The following KCNK1 variants were observed in gnomAD, a reference collection of about 807,000 sequenced individuals.
The protein encoded by KCNK1 is potassium two pore domain channel subfamily K member 1.
A neutral mutation model predicts 22.2 loss-of-function variants in KCNK1; 10 were observed. That is an observed-to-expected ratio of 0.45 (90% CI 0.28 to 0.76). The LOEUF (loss-of-function observed/expected upper bound fraction) is 0.76, where lower values mean the gene tolerates loss of function less well. Among genes scored for constraint, KCNK1 ranks in the 30% least tolerant of loss-of-function variants. The pLI is 0.14. For missense variants in KCNK1, 378 were observed against 421.0 expected (o/e 0.90, Z 0.89); for synonymous variants, 200 against 186.4 (o/e 1.07, Z -0.60).
intron 1 of KCNK1, among the ~76,000 whole-genome samples, chr1:233,645,435 A>G (rs1339346680): frequency 6.6e-6 from 1 of 152,182 alleles, no homozygotes; most frequent in Non-Finnish European, 1.5e-5. Context: ...TTCTTATAAA[A>G]GACAGAAAAG....
At position 233,614,436 on chromosome 1, in the gene KCNK1, G is replaced by T. The variant is rs1416046214; in HGVS notation, c.265G>T (p.Gly89Cys). 8 of 1,613,302 alleles carry T rather than the reference G, an allele frequency of 5.0e-6. No individual in the cohort carries two copies. Among genetic ancestry groups the T allele is most frequent in the Non-Finnish European group, 6.8e-6 (8 of 1,179,758 alleles). Residue 89 changes from glycine to cysteine, a missense_variant, in exon 1 of 3, where the codon GGC becomes TGC. Transcript: ENST00000366621. ...LGRVLEASNY[G>C]VSVLSNASGN... is the part of the protein sequence containing the mutation. ...CCGGGTGCTGGAGGCCAGCAACTAC[G>T]GCGTGTCGGTGCTCAGCAACGCCTC...
At chr1:233,631,777 A>G (rs538038745) in intron 1 of KCNK1, among the ~76,000 whole-genome samples, 8 of 152,132 alleles carry the variant, frequency 5.3e-5, no homozygotes, top group African/African-American at 1.4e-4. Flanking sequence ...CCTTGTTCCT[A>G]TGCTGGGTCT....
chr1:233,658,928 C>G (rs762134052), intron 1 of KCNK1, among the ~76,000 whole-genome samples: 6 of 152,120 alleles, frequency 3.9e-5, no homozygotes. Context: ...GATTACTGTT[C>G]ACTACTGTAG....
intron 1 of KCNK1, among the ~76,000 whole-genome samples, chr1:233,642,749 A>G (rs10910233): frequency 0.1 from 15,787 of 152,034 alleles, 1,657 homozygotes; most frequent in African/African-American, 0.25. Context: ...AAATCATTCC[A>G]AAGTCACTGG....
intron 2 of KCNK1, among the ~76,000 whole-genome samples, chr1:233,669,093 G>A (rs1658551422): frequency 6.6e-6 from 1 of 152,164 alleles, no homozygotes; most frequent in South Asian, 2.1e-4. Flanking sequence ...CTCCTGGGGT[G>A]GTGATGGCCA....
intron 1 of KCNK1, among the ~76,000 whole-genome samples, chr1:233,662,393 A>T (rs1658413223): frequency 6.6e-6 from 1 of 152,114 alleles, no homozygotes; most frequent in Non-Finnish European, 1.5e-5. Context: ...ACTGTTACAG[A>T]CTCAGGGTCA....
intron 1 of KCNK1, among the ~76,000 whole-genome samples, chr1:233,641,075 C>G (rs1199111925): frequency 6.6e-6 from 1 of 152,176 alleles, no homozygotes; most frequent in Admixed American, 6.5e-5. Context: ...CTCTTAAAAT[C>G]TAGTGAGTTT....
chr1:233,648,812 C>T (rs1367089567), intron 1 of KCNK1, among the ~76,000 whole-genome samples: 1 of 152,196 alleles, frequency 6.6e-6, no homozygotes, highest in Non-Finnish European at 1.5e-5. Context: ...GGTGATCCAC[C>T]TGCCTTGGCC....
chr1:233,638,788 T>C (rs951447729), intron 1 of KCNK1, among the ~76,000 whole-genome samples: 8 of 152,082 alleles, frequency 5.3e-5, no homozygotes, highest in African/African-American at 1.9e-4. Context: ...CAGGGAAACG[T>C]TTTATGCCAG....
intron 1 of KCNK1, among the ~76,000 whole-genome samples, chr1:233,651,366 A>G (rs1225365321): frequency 6.6e-6 from 1 of 152,216 alleles, no homozygotes; most frequent in Non-Finnish European, 1.5e-5. Flanking sequence ...TGGCTGCAGG[A>G]TAATTATGTC....
At chr1:233,639,310 A>G (rs531321508) in intron 1 of KCNK1, among the ~76,000 whole-genome samples, 3 of 152,236 alleles carry the variant, frequency 2.0e-5, no homozygotes, top group Non-Finnish European at 4.4e-5. Flanking sequence ...TTCATAAGAC[A>G]AGAACATGGA....
intron 1 of KCNK1, among the ~76,000 whole-genome samples, chr1:233,632,905 T>G (rs1019423337): frequency 6.6e-6 from 1 of 152,134 alleles, no homozygotes. Context: ...AGTCTTTTCA[T>G]GTAAAGACAT....
At chr1:233,633,372 T>A (rs186323525) in intron 1 of KCNK1, among the ~76,000 whole-genome samples, 14 of 152,250 alleles carry the variant, frequency 9.2e-5, no homozygotes, top group Admixed American at 7.2e-4. Flanking sequence ...TAGGTTATCA[T>A]GTTAAAATAA....
chr1:233,617,932 AG>A (rs796573804), intron 1 of KCNK1, among the ~76,000 whole-genome samples: 4 of 152,216 alleles, frequency 2.6e-5, no homozygotes, highest in African/African-American at 9.6e-5. Context: ...TCTGTCTTGG[AG>A]GGGGAAAAAA....
At chr1:233,645,083 A>G (rs1273352320) in intron 1 of KCNK1, among the ~76,000 whole-genome samples, 4 of 151,902 alleles carry the variant, frequency 2.6e-5, no homozygotes, top group Non-Finnish European at 5.9e-5. Flanking sequence ...AGTCCCAGCT[A>G]CTTGGAAGGC....
At chr1:233,614,697 C>T (rs1428984013) in intron 1 of KCNK1, among the ~76,000 whole-genome samples, 171 bp downstream of exon 1, 1 of 150,316 alleles carries the variant, frequency 6.7e-6, no homozygotes, top group East Asian at 2.0e-4. Flanking sequence ...CTCCGACCTT[C>T]CCCTTACTGG....
chr1:233,622,324 T>G (rs1417068168), intron 1 of KCNK1, among the ~76,000 whole-genome samples: 3 of 152,240 alleles, frequency 2.0e-5, no homozygotes, highest in Non-Finnish European at 4.4e-5. Context: ...CTGGCTTTTA[T>G]TCTCCAAAGA....
At chr1:233,630,732 A>G (rs1348157554) in intron 1 of KCNK1, 2 of 152,700 alleles carry the variant, frequency 1.3e-5, no homozygotes, top group African/African-American at 4.8e-5. Context: ...CCCATGTTGA[A>G]TCTACATGTG....
intron 1 of KCNK1, among the ~76,000 whole-genome samples, chr1:233,641,338 A>G (rs1462806130): frequency 1.3e-5 from 2 of 152,336 alleles, no homozygotes; most frequent in African/African-American, 4.8e-5. Context: ...AGCTTGCTCC[A>G]TGCAGAGCCC....
Sources: allele counts gnomAD v4.1 joint callset (sites outside exome capture counted in the v4.1 genomes callset), GRCh38; gene constraint gnomAD v4.1.1; transcripts MANE v1.5; gene names NCBI Gene and HGNC (gene_info 2026-07-23, HGNC 2026-07-21).